The following ARHGAP6 variants were observed in gnomAD, a reference collection of about 807,000 sequenced individuals.
The protein encoded by ARHGAP6 is rho GTPase-activating protein 6.
A neutral mutation model predicts 55.7 loss-of-function variants in ARHGAP6; 16 were observed. The observed-to-expected ratio is 0.29, with a 90% CI of 0.19 to 0.44. The LOEUF (loss-of-function observed/expected upper bound fraction) is 0.44. ARHGAP6 is among the 20% of genes least tolerant of loss of function. ARHGAP6 has a pLI of 1.00. For synonymous variants in ARHGAP6, 382 were observed against 360.9 expected (o/e 1.06, Z -0.66); for missense variants, 698 against 808.9 (o/e 0.86, Z 1.66).
At chrX:11,591,601 A>T (rs1180348124) in intron 1 of ARHGAP6, among the ~76,000 whole-genome samples, 1 of 111,463 alleles carries the variant, frequency 9.0e-6, no homozygotes, top group Non-Finnish European at 1.9e-5. Flanking sequence ...CATACAAAAG[A>T]TCACATATTT....
intron 1 of ARHGAP6, among the ~76,000 whole-genome samples, chrX:11,277,165 T>A (rs1004409663): frequency 8.9e-6 from 1 of 111,925 alleles, no homozygotes; most frequent in Non-Finnish European, 1.9e-5. Context: ...TTCTTTCACT[T>A]AGCATGTTTT....
intron 1 of ARHGAP6, among the ~76,000 whole-genome samples, chrX:11,276,895 T>C (rs775303866): frequency 8.9e-6 from 1 of 111,785 alleles, no homozygotes; most frequent in Non-Finnish European, 1.9e-5. Flanking sequence ...AAAAATCATA[T>C]GCCATAAAAG....
At chrX:11,524,226 C>T (rs2050965994) in intron 1 of ARHGAP6, among the ~76,000 whole-genome samples, 1 of 111,684 alleles carries the variant, frequency 9.0e-6, no homozygotes, top group Non-Finnish European at 1.9e-5. Context: ...TATTTCCTAG[C>T]CTGCCTTGCA....
chrX:11,490,604 T>C (rs147346372), intron 1 of ARHGAP6, among the ~76,000 whole-genome samples: 113 of 111,910 alleles, frequency 1.0e-3, no homozygotes, highest in African/African-American at 3.6e-3. Context: ...TATGCAGCAA[T>C]AGAAAACTAA....
chrX:11,475,560 TACACACACACACACAC>T (rs199969639), intron 1 of ARHGAP6, among the ~76,000 whole-genome samples: 2 of 95,903 alleles, frequency 2.1e-5, no homozygotes, highest in Admixed American at 1.2e-4. Context: ...TTAAAGAAAC[TACACACACACACACAC>T]ACACACACAC....
intron 1 of ARHGAP6, among the ~76,000 whole-genome samples, chrX:11,657,299 A>C (rs1158026359): frequency 9.1e-6 from 1 of 109,840 alleles, no homozygotes; most frequent in Middle Eastern, 4.3e-3. Context: ...GCAAATGAGA[A>C]CCCAAACTAG....
Position 11,416,594 on chromosome X carries a change from A to G in ARHGAP6, c.589-161887T>C, listed in dbSNP as rs993579566. Among the ~76,000 whole-genome samples, 9 of 111,184 alleles carry G rather than the reference A, an allele frequency of 8.1e-5. No homozygotes were observed. In the Admixed American group the frequency reaches 8.6e-4, roughly 11 times the overall value. ...GGATTTTTTGAACCAGTTCATCATGATAAGGTTCAAACCTTTCCCCAAGAG... is the reference window on the plus strand; with the variant it reads ...GGATTTTTTGAACCAGTTCATCATGGTAAGGTTCAAACCTTTCCCCAAGAG... On this transcript the variant is annotated intron_variant, in intron 1 of 12. Coordinates refer to ENST00000337414, the MANE Select transcript of ARHGAP6 (RefSeq NM_013427.3).
chrX:11,268,853 A>G (rs1804814768), intron 1 of ARHGAP6, among the ~76,000 whole-genome samples: 1 of 111,681 alleles, frequency 9.0e-6, no homozygotes, highest in African/African-American at 3.3e-5. Context: ...CTGAGACATA[A>G]GAAGGCATGG....
In ARHGAP6 at chrX:11,266,764, C is replaced by G. The variant is rs1050763445; in HGVS notation, c.589-12057G>C. On this transcript the variant is annotated intron_variant, in intron 1 of 12. Coordinates refer to ENST00000337414, the MANE Select transcript of ARHGAP6 (RefSeq NM_013427.3). ...AGGAAGTTATAGTTCTCTCATGGGT[C>G]TCAAGTGAATTCCAACAAAAGAATC... Among the ~76,000 whole-genome samples the G allele has an allele frequency of 4.5e-5, 5 of 111,819 alleles. No individual in the cohort carries two copies. In the South Asian group the frequency reaches 1.5e-3, roughly 34 times the overall value.
In ARHGAP6 at chrX:11,304,777, C is replaced by CTTTTTTTTT. The variant is rs953912280; in HGVS notation, c.589-50079_589-50071dup. On this transcript the variant is annotated intron_variant, in intron 1 of 12. Transcript: ENST00000337414. ...AAGGATTTCATTTTTCTTTCTTTTA[C>CTTTTTTTTT]TTTTTTTTTTTTTTTTTTTTTTTTT... 2.8e-4 allele frequency among the ~76,000 whole-genome samples: 14 copies of CTTTTTTTTT among 50,287 alleles called. 1 individual carries two copies. Among genetic ancestry groups the CTTTTTTTTT allele is most frequent in the Non-Finnish European group, 4.1e-4 (11 of 27,112 alleles). 43.7% of individuals were successfully genotyped at this position (50,287 alleles called of 115,157 possible). A position where few individuals can be genotyped will look rare whatever the true frequency, so the allele number is the denominator to read the frequency against.
At chrX:11,373,607 AG>A (rs947968480) in intron 1 of ARHGAP6, among the ~76,000 whole-genome samples, 3 of 111,901 alleles carry the variant, frequency 2.7e-5, no homozygotes, top group Non-Finnish European at 5.6e-5. Flanking sequence ...TGACATTCTG[AG>A]GGGCACACTT....
intron 1 of ARHGAP6, among the ~76,000 whole-genome samples, chrX:11,359,566 T>C (rs1300562050): frequency 8.9e-6 from 1 of 111,865 alleles, no homozygotes; most frequent in African/African-American, 3.2e-5. Context: ...TTCCAATGTA[T>C]TCAAAATTCC....
At chrX:11,217,852 C>T (rs901870103) in intron 2 of ARHGAP6, among the ~76,000 whole-genome samples, 16 of 111,813 alleles carry the variant, frequency 1.4e-4, no homozygotes, top group Non-Finnish European at 2.4e-4. Flanking sequence ...TTAGGTCTTA[C>T]GTTTAAGTCT....
chrX:11,637,757 T>C (rs1333460712), intron 1 of ARHGAP6, among the ~76,000 whole-genome samples: 1 of 97,967 alleles, frequency 1.0e-5, no homozygotes, highest in African/African-American at 4.4e-5. Flanking sequence ...TTAGCTGTAA[T>C]TTTGATTTTT....
intron 1 of ARHGAP6, among the ~76,000 whole-genome samples, chrX:11,293,171 C>T (rs978614284): frequency 8.9e-5 from 10 of 112,485 alleles, no homozygotes; most frequent in African/African-American, 3.2e-4. Flanking sequence ...GTACAGTCAA[C>T]TAATTTGCTG....
At chrX:11,310,712 G>A (rs1490454799) in intron 1 of ARHGAP6, among the ~76,000 whole-genome samples, 3 of 111,940 alleles carry the variant, frequency 2.7e-5, no homozygotes, top group Non-Finnish European at 5.6e-5. Context: ...AAGCTACAGT[G>A]AGAGGAGGCT....
intron 1 of ARHGAP6, among the ~76,000 whole-genome samples, chrX:11,420,000 T>TC (rs2049799939): frequency 8.9e-6 from 1 of 111,929 alleles, no homozygotes. Context: ...ATGACAAGTA[T>TC]CCGAAGAGAA....
At chrX:11,316,324 T>G (rs1250160076) in intron 1 of ARHGAP6, among the ~76,000 whole-genome samples, 1 of 112,377 alleles carries the variant, frequency 8.9e-6, no homozygotes, top group African/African-American at 3.2e-5. Context: ...AAGATATTAA[T>G]GCAGATAACC....
chrX:11,310,030 C>T (rs1023413080), intron 1 of ARHGAP6, among the ~76,000 whole-genome samples: 3 of 109,019 alleles, frequency 2.8e-5, no homozygotes, highest in Non-Finnish European at 5.7e-5. Flanking sequence ...TGTGGTGGTG[C>T]GTGCCCATAG....
Sources: allele counts gnomAD v4.1 joint callset (sites outside exome capture counted in the v4.1 genomes callset), GRCh38; gene constraint gnomAD v4.1.1; transcripts MANE v1.5; gene names NCBI Gene and HGNC (gene_info 2026-07-23, HGNC 2026-07-21).